Variants in ARID2 observed in about 807,000 individuals in gnomAD.
ARID2 encodes AT-rich interaction domain 2, also known as AT-rich interactive domain-containing protein 2.
Under a neutral mutation model 184.6 loss-of-function variants are expected in ARID2, and 32 were observed. The observed-to-expected ratio is 0.17, with a 90% CI of 0.13 to 0.23. ARID2 has a LOEUF of 0.23. Ranked by LOEUF, ARID2 falls within the 10% of genes least tolerant of loss-of-function variation. ARID2 has a pLI of 1.00. For synonymous variants in ARID2, 836 were observed against 772.6 expected (o/e 1.08, Z -1.36); for missense variants, 1,696 against 2,197.6 (o/e 0.77, Z 4.56).
In ARID2 at chr12:45,860,660, G is replaced by A. The variant is rs368734969; in HGVS notation, c.4774-141G>A. 1,010 of 674,310 alleles carry A rather than the reference G, an allele frequency of 1.5e-3. 45 individuals carry two copies. The South Asian group carries it at 0.069, about 46-fold the overall frequency. The allele number at this position is 674,310 out of a possible 1,614,324, so 41.8% of individuals were successfully genotyped here. On this transcript the variant is annotated intron_variant, in intron 15 of 20. Transcript: ENST00000334344. The stretch of plus-strand genomic sequence containing the variant: ...AAAATAATTTTTAAAGATTTTAAAG[G>A]TAATCATAAGCTTAAAATTATAAAA...
At chr12:45,733,673 G>A (rs1204463165) in intron 3 of ARID2, among the ~76,000 whole-genome samples, 2 of 152,122 alleles carry the variant, frequency 1.3e-5, no homozygotes, top group Non-Finnish European at 2.9e-5. Context: ...TTAGCCTAGT[G>A]TTTTATGATA....
Position 45,753,666 on chromosome 12 carries a change from G to A in ARID2, c.284+22352G>A, listed in dbSNP as rs141171885. 3.8e-3 allele frequency among the ~76,000 whole-genome samples: 582 copies of A among 152,072 alleles called. 5 individuals carry two copies. The highest frequency in any genetic ancestry group is 0.013 in the African/African-American group (545 of 41,498). On this transcript the variant is annotated intron_variant, in intron 3 of 20. Transcript: ENST00000334344. ...CGCCCAGGCTGGAGTGCAATAGTGC[G>A]ATTGCGTCTCACTGCAACCTTTGGT...
chr12:45,765,591 T>G (rs1941757368), intron 3 of ARID2, among the ~76,000 whole-genome samples: 1 of 152,160 alleles, frequency 6.6e-6, no homozygotes, highest in Admixed American at 6.5e-5. Context: ...AGTATGTGAT[T>G]CGCAGATATT....
At chr12:45,731,575 T>A (rs1179178935) in intron 3 of ARID2, among the ~76,000 whole-genome samples, 1 of 152,212 alleles carries the variant, frequency 6.6e-6, no homozygotes, top group Non-Finnish European at 1.5e-5. Flanking sequence ...AACATTCTTT[T>A]GTGACATTGT....
At chr12:45,743,459 A>T (rs1316550275) in intron 3 of ARID2, among the ~76,000 whole-genome samples, 1 of 151,950 alleles carries the variant, frequency 6.6e-6, no homozygotes, top group South Asian at 2.1e-4. Flanking sequence ...ACAGCATTGA[A>T]CTCTTACTTT....
chr12:45,741,393 G>A lies in ARID2; in HGVS notation c.284+10079G>A, dbSNP rs564872214. ...TTTGTAGTTTTATAGAGATAGGGTT[G>A]TGCCATTTTGCTCAGGCTGGTCTCA... On this transcript the variant is annotated intron_variant, in intron 3 of 20. Coordinates refer to ENST00000334344, the MANE Select transcript of ARID2 (RefSeq NM_152641.4). 3.3e-3 allele frequency among the ~76,000 whole-genome samples: 496 copies of A among 152,184 alleles called. 2 individuals carry two copies. The highest frequency in any genetic ancestry group is 6.1e-3 in the Non-Finnish European group (413 of 67,990).
chr12:45,900,426 G>T (rs1174242090), intron 20 of ARID2, among the ~76,000 whole-genome samples: 1 of 152,096 alleles, frequency 6.6e-6, no homozygotes, highest in Non-Finnish European at 1.5e-5. Flanking sequence ...CTTTTTACGG[G>T]CCTAATACTG....
chr12:45,862,136 C>G (rs1943760423), intron 16 of ARID2, among the ~76,000 whole-genome samples: 1 of 151,964 alleles, frequency 6.6e-6, no homozygotes, highest in South Asian at 2.1e-4. Context: ...AACTCTCAAC[C>G]CAGTAGTGGG....
rs138252675 is a variant in ARID2 at position 45,893,387 on chromosome 12, TTCTCTCTCTC to T, written c.5148-21_5148-12del. The T allele has an allele frequency of 3.4e-6, 5 of 1,462,726 alleles. No individual in the cohort carries two copies. In the Admixed American group the frequency reaches 5.8e-5, roughly 17 times the overall value. 90.6% of individuals were successfully genotyped at this position (1,462,726 alleles called of 1,614,324 possible). On this transcript the variant is annotated intron_variant, in intron 18 of 20. Transcript: ENST00000334344. The stretch of plus-strand genomic sequence containing the variant: ...CAGTCTGTCTGCAGTATCACGTTAA[TTCTCTCTCTC>T]TCTCTCTCTCTGATCAATTTAGGCA...
At chr12:45,802,739 A>T (rs1044651063) in intron 3 of ARID2, among the ~76,000 whole-genome samples, 1 of 151,884 alleles carries the variant, frequency 6.6e-6, no homozygotes, top group South Asian at 2.1e-4. Flanking sequence ...AGAAAAAAAA[A>T]TTTTTTTTCG....
chr12:45,732,071 G>GT (rs750462284), intron 3 of ARID2, among the ~76,000 whole-genome samples: 3,453 of 136,904 alleles, frequency 0.025, 37 homozygotes, highest in Middle Eastern at 0.048. Flanking sequence ...GTGATTTAGC[G>GT]TTTTTTTTTT....
At chr12:45,870,662 T>C (rs1943913042) in intron 16 of ARID2, among the ~76,000 whole-genome samples, 3 of 152,210 alleles carry the variant, frequency 2.0e-5, no homozygotes, top group African/African-American at 7.2e-5. Context: ...TTTTACTATT[T>C]CTATAGTTTT....
chr12:45,797,839 CTCT>C (rs1436159133), intron 3 of ARID2, among the ~76,000 whole-genome samples: 2 of 151,784 alleles, frequency 1.3e-5, no homozygotes, highest in Non-Finnish European at 2.9e-5. Context: ...ATTGATTCAG[CTCT>C]TCATTTTGTT....
At chr12:45,786,750 T>C (rs1942202009) in intron 3 of ARID2, among the ~76,000 whole-genome samples, 1 of 152,226 alleles carries the variant, frequency 6.6e-6, no homozygotes, top group Non-Finnish European at 1.5e-5. Context: ...CAAGTGTCCA[T>C]TGACAGATGA....
intron 4 of ARID2, among the ~76,000 whole-genome samples, chr12:45,813,433 C>A (rs139875619): frequency 5.5e-5 from 8 of 145,400 alleles, no homozygotes; most frequent in Admixed American, 1.4e-4. Context: ...GAATAAGCTC[C>A]GTGTGTGTGT....
chr12:45,795,417 T>C (rs373479679), intron 3 of ARID2, among the ~76,000 whole-genome samples: 37 of 152,136 alleles, frequency 2.4e-4, no homozygotes, highest in East Asian at 2.3e-3. Flanking sequence ...TCTTCCTCCG[T>C]CTTCCTTTTC....
chr12:45,834,106 C>G (rs1469208551), intron 6 of ARID2, among the ~76,000 whole-genome samples: 2 of 152,134 alleles, frequency 1.3e-5, no homozygotes, highest in Non-Finnish European at 2.9e-5. Context: ...TTCTCTTGTT[C>G]AGTGATTACA....
chr12:45,855,300 C>T (rs909219697), intron 15 of ARID2, among the ~76,000 whole-genome samples: 4 of 152,182 alleles, frequency 2.6e-5, no homozygotes, highest in Non-Finnish European at 5.9e-5. Context: ...TCTGAAAAAT[C>T]TGTATTAAAC....
intron 16 of ARID2, among the ~76,000 whole-genome samples, chr12:45,865,183 T>C (rs182942876): frequency 1.1e-4 from 16 of 152,302 alleles, no homozygotes; most frequent in Admixed American, 3.3e-4. Flanking sequence ...GTGTTTATAC[T>C]GATTCTTGGA....
Sources: allele counts gnomAD v4.1 joint callset (sites outside exome capture counted in the v4.1 genomes callset), GRCh38; gene constraint gnomAD v4.1.1; transcripts MANE v1.5; gene names NCBI Gene and HGNC (gene_info 2026-07-23, HGNC 2026-07-21).